The following MRAS variants were observed in gnomAD, a reference collection of about 807,000 sequenced individuals.
MRAS encodes the protein ras-related protein M-Ras.
Under a neutral mutation model 20.9 loss-of-function variants are expected in MRAS, and 4 were observed. The observed-to-expected ratio is 0.19, with a 90% confidence interval of 0.09 to 0.44. MRAS has a LOEUF of 0.44. Ranked by LOEUF, MRAS falls within the 20% of genes least tolerant of loss-of-function variation. MRAS has a pLI of 0.99. For missense variants in MRAS, 154 were observed against 277.5 expected (o/e 0.56, Z 3.16); for synonymous variants, 98 against 102.9 (o/e 0.95, Z 0.29).
chr3:138,358,580 A>G (rs1489435252), intron 1 of MRAS, among the ~76,000 whole-genome samples: 2 of 152,226 alleles, frequency 1.3e-5, no homozygotes, highest in African/African-American at 2.4e-5. Flanking sequence ...TAGATTGACA[A>G]TATTTATTGA....
At chr3:138,385,661 G>C (rs532741827) in intron 2 of MRAS, among the ~76,000 whole-genome samples, 122 of 151,940 alleles carry the variant, frequency 8.0e-4, no homozygotes, top group African/African-American at 2.8e-3. Context: ...GACTGCAGGC[G>C]CCCGCCACCA....
chr3:138,371,320 A>G (rs2054669587), intron 1 of MRAS, among the ~76,000 whole-genome samples: 1 of 152,168 alleles, frequency 6.6e-6, no homozygotes, highest in African/African-American at 2.4e-5. Context: ...TGGCCACATA[A>G]CCCACATTTG....
At chr3:138,355,481 C>T (rs534014770) in intron 1 of MRAS, among the ~76,000 whole-genome samples, 1 of 152,126 alleles carries the variant, frequency 6.6e-6, no homozygotes, top group Admixed American at 6.5e-5. Flanking sequence ...GAAAGGCTTT[C>T]TTATCCAGGG....
chr3:138,387,261 C>A (rs1560180734), intron 2 of MRAS, among the ~76,000 whole-genome samples: 1 of 152,214 alleles, frequency 6.6e-6, no homozygotes, highest in Non-Finnish European at 1.5e-5. Flanking sequence ...TCCCTGCCAC[C>A]CATGGCTGCC....
At chr3:138,352,124 G>T (rs777607239) in intron 1 of MRAS, among the ~76,000 whole-genome samples, 1 of 152,240 alleles carries the variant, frequency 6.6e-6, no homozygotes, top group Non-Finnish European at 1.5e-5. Context: ...CAGCCAGTGG[G>T]TCTGACAAAG....
intron 1 of MRAS, among the ~76,000 whole-genome samples, chr3:138,364,147 G>C (rs1296411153): frequency 4.6e-5 from 7 of 152,118 alleles, no homozygotes; most frequent in African/African-American, 1.7e-4. Context: ...GGCATAGTCG[G>C]GGAGCTGAGC....
chr3:138,383,462 C>G (rs967008572), intron 2 of MRAS, among the ~76,000 whole-genome samples: 2 of 152,120 alleles, frequency 1.3e-5, no homozygotes, highest in Non-Finnish European at 2.9e-5. Context: ...TCCTAAAGCA[C>G]TAGGATTACA....
intron 2 of MRAS, among the ~76,000 whole-genome samples, chr3:138,378,921 C>G (rs1390497429): frequency 6.6e-6 from 1 of 151,982 alleles, no homozygotes; most frequent in Admixed American, 6.6e-5. Flanking sequence ...CTGCTTGCTC[C>G]CTTTTCTTTT....
intron 2 of MRAS, among the ~76,000 whole-genome samples, chr3:138,395,513 G>A (rs1293056562): frequency 2.0e-5 from 3 of 151,954 alleles, no homozygotes; most frequent in Non-Finnish European, 2.9e-5. Context: ...CTTCGAATTT[G>A]TTGTGTTCCC....
At chr3:138,393,151 T>C (rs1398078084) in intron 2 of MRAS, among the ~76,000 whole-genome samples, 2 of 152,230 alleles carry the variant, frequency 1.3e-5, no homozygotes, top group Non-Finnish European at 2.9e-5. Context: ...CCCTCACACA[T>C]TGGATCATCT....
chr3:138,369,704 G>A (rs2054634650), intron 1 of MRAS, among the ~76,000 whole-genome samples: 1 of 152,124 alleles, frequency 6.6e-6, no homozygotes, highest in African/African-American at 2.4e-5. Flanking sequence ...ACCCCGGCTT[G>A]GCTCCCTGTG....
intron 2 of MRAS, among the ~76,000 whole-genome samples, chr3:138,376,571 G>A (rs2054787447): frequency 6.6e-6 from 1 of 152,176 alleles, no homozygotes; most frequent in Admixed American, 6.5e-5. Flanking sequence ...AAGGTTTGAT[G>A]TGCTAGCTAT....
At chr3:138,375,944 C>T (rs539105381) in intron 2 of MRAS, among the ~76,000 whole-genome samples, 2 of 151,998 alleles carry the variant, frequency 1.3e-5, no homozygotes, top group Admixed American at 6.6e-5. Context: ...GCCGAGACTG[C>T]GCCACCTCAC....
chr3:138,355,123 T>G (rs2054304902), intron 1 of MRAS, among the ~76,000 whole-genome samples: 3 of 152,140 alleles, frequency 2.0e-5, no homozygotes, highest in Admixed American at 2.0e-4. Context: ...AGGATTACTT[T>G]AAGAGAAGGA....
At position 138,358,954 on chromosome 3, in the gene MRAS, C is replaced by T. The variant is rs532795843; in HGVS notation, c.-19+10187C>T. Among the ~76,000 whole-genome samples the T allele has an allele frequency of 3.3e-5, 5 of 152,330 alleles. No individual in the cohort carries two copies. The East Asian group carries it at 9.6e-4, about 29-fold the overall frequency. ...TCCAGCTGGTGGCTGCTACCACCCA[C>T]CAACAATAGTTTTACACAGAGAGGT... On this transcript the variant is annotated intron_variant, in intron 1 of 5. Coordinates refer to ENST00000423968, the MANE Select transcript of MRAS (RefSeq NM_001085049.3).
intron 4 of MRAS, among the ~76,000 whole-genome samples, chr3:138,400,017 A>G (rs1250884003): frequency 1.3e-5 from 2 of 152,220 alleles, no homozygotes; most frequent in Non-Finnish European, 2.9e-5. Flanking sequence ...TCCCAGGCTC[A>G]TAGATACAGA....
At chr3:138,363,576 C>T (rs1400620071) in intron 1 of MRAS, among the ~76,000 whole-genome samples, 2 of 152,008 alleles carry the variant, frequency 1.3e-5, no homozygotes, top group Non-Finnish European at 1.5e-5. Flanking sequence ...GGCTCAGGCT[C>T]ATTTATTTTG....
At chr3:138,373,182 T>A in intron 2 of MRAS, 106 bp downstream of exon 2, 1 of 1,054,576 alleles carries the variant, frequency 9.5e-7, no homozygotes, top group Non-Finnish European at 1.3e-6. Flanking sequence ...AATGTTGCTG[T>A]TATGGGATGG....
chr3:138,357,335 C>G (rs1007895058), intron 1 of MRAS, among the ~76,000 whole-genome samples: 11 of 152,226 alleles, frequency 7.2e-5, no homozygotes, highest in Non-Finnish European at 1.2e-4. Context: ...ACTTTCAGTC[C>G]TCCCTTCCTG....
Sources: gnomAD v4.1 joint callset for allele counts (sites outside exome capture counted in the v4.1 genomes callset) on GRCh38, gnomAD v4.1.1 for gene constraint, MANE v1.5 for transcripts, NCBI Gene and HGNC (gene_info 2026-07-23, HGNC 2026-07-21) for gene names.